FRMD3: variants seen among roughly 807,000 people sequenced by gnomAD.
The protein encoded by FRMD3 is FERM domain-containing protein 3.
A neutral mutation model predicts 70.2 loss-of-function variants in FRMD3; 33 were observed. The ratio of observed to expected loss-of-function variants is 0.47; its 90% CI spans 0.36 to 0.63. The LOEUF is 0.63. FRMD3 is among the 20% of genes least tolerant of loss of function. FRMD3 has a pLI of 0.00. For synonymous variants in FRMD3, 279 were observed against 255.9 expected, an observed-to-expected ratio of 1.09 and a Z score of -0.86; for missense variants, 632 against 711.4, an observed-to-expected ratio of 0.89 and a Z score of 1.27.
chr9:83,551,508 G>T, the FRMD3 span, among the ~76,000 whole-genome samples: 2 of 152,028 alleles, frequency 1.3e-5, no homozygotes, highest in East Asian at 3.9e-4. Flanking sequence ...TTGGGGAGAA[G>T]TCCCTCCTCC....
chr9:83,350,621 C>G, intron 3 of FRMD3: 1 of 203,670 alleles, frequency 4.9e-6, no homozygotes, highest in South Asian at 1.9e-4. Flanking sequence ...GAAACTCCAT[C>G]TCAAAAAAAA....
At position 83,537,349 on chromosome 9, in the gene FRMD3, C is replaced by T. The variant is rs1829918326; in HGVS notation, c.147+736G>A. Among the ~76,000 whole-genome samples, 1 of 152,210 alleles carries T rather than the reference C, an allele frequency of 6.6e-6. No homozygotes were observed. Among genetic ancestry groups the T allele is most frequent in the Admixed American group, 6.5e-5 (1 of 15,292 alleles). On this transcript the variant is annotated intron_variant, in intron 1 of 13. Coordinates refer to ENST00000304195, the MANE Select transcript of FRMD3 (RefSeq NM_174938.6). The surrounding 1 kb of genome is among the most constrained non-coding windows in gnomAD (Gnocchi z 4.1). ...CAAGATTCCACGGGGCTCTTTTACC[C>T]AGGACCCAGGTTCCTGCAGGGCTCC... is the stretch of plus-strand genomic sequence containing the variant.
chr9:83,493,869 C>T (rs1828883026), intron 1 of FRMD3, among the ~76,000 whole-genome samples: 1 of 152,246 alleles, frequency 6.6e-6, no homozygotes, highest in Non-Finnish European at 1.5e-5. Flanking sequence ...TCCCCATCCC[C>T]TCCTGGCCAG....
At chr9:83,444,142 C>G (rs561422311) in intron 1 of FRMD3, among the ~76,000 whole-genome samples, 4 of 152,320 alleles carry the variant, frequency 2.6e-5, no homozygotes, top group Non-Finnish European at 5.9e-5. Flanking sequence ...CCACAGTGGG[C>G]CTGTGATGAC....
intron 13 of FRMD3, among the ~76,000 whole-genome samples, chr9:83,250,756 C>A (rs1832371272): frequency 6.6e-6 from 1 of 152,212 alleles, no homozygotes; most frequent in Admixed American, 6.5e-5. Flanking sequence ...GGCTGGACAG[C>A]TTTCTTAAGT....
chr9:83,246,825 G>T lies in FRMD3; in HGVS notation c.*1093C>A. The T allele has an allele frequency of 2.0e-6, 2 of 985,214 alleles. No homozygotes were observed. The highest frequency in any genetic ancestry group is 1.7e-5 in the African/African-American group (1 of 57,306). The allele number at this position is 985,214 out of a possible 1,614,324, so 61.0% of individuals were successfully genotyped here. On this transcript the variant is annotated 3_prime_UTR_variant, in exon 14 of 14. Coordinates refer to ENST00000304195, the MANE Select transcript of FRMD3 (RefSeq NM_174938.6). ...ACATGTTCATGTTAACTCAGACAGCGACTGCACTGCTCTTCACATCATCGA... is the reference window on the plus strand; with the variant it reads ...ACATGTTCATGTTAACTCAGACAGCTACTGCACTGCTCTTCACATCATCGA...
At chr9:83,331,439 T>G (rs1305690889) in intron 6 of FRMD3, among the ~76,000 whole-genome samples, 2 of 151,928 alleles carry the variant, frequency 1.3e-5, no homozygotes, top group African/African-American at 2.4e-5. Flanking sequence ...TTGCCAGGGG[T>G]TAGGGGAGAA....
chr9:83,326,467 T>C (rs1035369234), intron 6 of FRMD3, among the ~76,000 whole-genome samples: 5 of 152,118 alleles, frequency 3.3e-5, no homozygotes, highest in African/African-American at 1.2e-4. Flanking sequence ...GAAAATGTCA[T>C]ACACAGGGAA....
the FRMD3 span, among the ~76,000 whole-genome samples, chr9:83,575,697 T>C: frequency 6.6e-6 from 1 of 152,164 alleles, no homozygotes; most frequent in Non-Finnish European, 1.5e-5. Flanking sequence ...TGAAACTGAC[T>C]AAAGAAGAAA....
At chr9:83,250,021 G>T (rs539851627) in intron 13 of FRMD3, among the ~76,000 whole-genome samples, 1 of 152,310 alleles carries the variant, frequency 6.6e-6, no homozygotes, top group East Asian at 1.9e-4. Flanking sequence ...AGAGGCAGCT[G>T]TGGTCTGCAG....
chr9:83,422,068 T>C (rs973947314), intron 1 of FRMD3, among the ~76,000 whole-genome samples: 2 of 151,940 alleles, frequency 1.3e-5, no homozygotes, highest in African/African-American at 4.8e-5. Flanking sequence ...CGACTAAAAA[T>C]ACAAAATTTA....
At chr9:83,401,849 A>G (rs1321747690) in intron 1 of FRMD3, among the ~76,000 whole-genome samples, 2 of 152,194 alleles carry the variant, frequency 1.3e-5, no homozygotes, top group Admixed American at 1.3e-4. Context: ...TCATGTGCCT[A>G]AAAGGATGAA....
In FRMD3 at chr9:83,257,908, C is replaced by T. The variant is rs189677278; in HGVS notation, c.1196-9392G>A. Among the ~76,000 whole-genome samples the T allele has an allele frequency of 7.9e-5, 12 of 152,250 alleles. No homozygotes were observed. The Middle Eastern group carries it at 0.01, about 129-fold the overall frequency. ...TAGATAATAGCTATAAAGTTTCTCA[C>T]CCATAGAAAACACTCAATAATGTTA... On this transcript the variant is annotated intron_variant, in intron 13 of 13. Coordinates refer to ENST00000304195, the MANE Select transcript of FRMD3 (RefSeq NM_174938.6).
chr9:83,422,119 G>C (rs1051013266), intron 1 of FRMD3, among the ~76,000 whole-genome samples: 1 of 152,162 alleles, frequency 6.6e-6, no homozygotes, highest in Non-Finnish European at 1.5e-5. Flanking sequence ...CAGCTACTCG[G>C]GAGGCTGAGG....
At chr9:83,513,311 GT>G (rs1312658182) in intron 1 of FRMD3, among the ~76,000 whole-genome samples, 1 of 152,194 alleles carries the variant, frequency 6.6e-6, no homozygotes, top group Non-Finnish European at 1.5e-5. Context: ...ATTCTGGAAG[GT>G]TCCACCCAAA....
chr9:83,457,936 A>T (rs796548420), intron 1 of FRMD3, among the ~76,000 whole-genome samples: 1 of 151,718 alleles, frequency 6.6e-6, no homozygotes, highest in Non-Finnish European at 1.5e-5. Flanking sequence ...GTATACCTCA[A>T]TAAAGCTGAA....
chr9:83,248,490 T>C lies in FRMD3; in HGVS notation c.1222A>G (p.Ile408Val), dbSNP rs762841876. 4 of 1,611,162 alleles carry C rather than the reference T, an allele frequency of 2.5e-6. No homozygotes were observed. The South Asian group carries it at 3.3e-5, about 13-fold the overall frequency. Residue 408 changes from isoleucine to valine, a missense_variant, in exon 14 of 14, where the codon ATT becomes GTT. Coordinates refer to ENST00000304195, the MANE Select transcript of FRMD3 (RefSeq NM_174938.6). ...EGVPLPKEEN[I>V]SAPLISSSPV... ...GAGCTGGAGATCAAGGGAGCAGAAA[T>C]GTTCTCCTCTTTAGGCAATGGAACA...
intron 1 of FRMD3, among the ~76,000 whole-genome samples, chr9:83,467,353 G>T (rs1055294943): frequency 6.6e-6 from 1 of 152,140 alleles, no homozygotes; most frequent in Non-Finnish European, 1.5e-5. Flanking sequence ...TTACCAAAGG[G>T]ATTTGGAGAA....
At chr9:83,561,471 A>C in the FRMD3 span, among the ~76,000 whole-genome samples, 1 of 152,250 alleles carries the variant, frequency 6.6e-6, no homozygotes, top group Admixed American at 6.5e-5. Flanking sequence ...ATTGGTCAGA[A>C]GTTACTAGGT....
Sources: gnomAD v4.1 joint callset for allele counts (sites outside exome capture counted in the v4.1 genomes callset) on GRCh38, gnomAD v4.1.1 for gene constraint, Gnocchi (gnomAD v3.1) non-coding constraint, MANE v1.5 for transcripts, NCBI Gene and HGNC (gene_info 2026-07-23, HGNC 2026-07-21) for gene names.